USP13: variants seen among roughly 807,000 people sequenced by gnomAD.
The protein encoded by USP13 is ubiquitin specific peptidase 13.
A neutral mutation model predicts 107.8 loss-of-function variants in USP13; 68 were observed. That is an observed-to-expected ratio of 0.63 (90% CI 0.52 to 0.77). USP13 has a LOEUF of 0.77. USP13 is among the 30% of genes least tolerant of loss of function. USP13 has a pLI of 0.00. For synonymous variants in USP13, 377 were observed against 389.5 expected (o/e 0.97, Z 0.38); for missense variants, 945 against 1,093.3 (o/e 0.86, Z 1.91).
chr3:179,781,071 G>T (rs1715730044), intron 19 of USP13, among the ~76,000 whole-genome samples: 2 of 152,142 alleles, frequency 1.3e-5, no homozygotes, highest in African/African-American at 2.4e-5. Context: ...TAGAGTACTG[G>T]GTATGATGCA....
rs115542547 is a variant in USP13, at chr3:179,737,493, C to T, written c.1255-2754C>T. 2.6e-3 allele frequency among the ~76,000 whole-genome samples: 393 copies of T among 152,230 alleles called. 2 individuals carry two copies. Among genetic ancestry groups the T allele is most frequent in the Middle Eastern group, 3.4e-3 (1 of 294 alleles). ...AGCTAGGGCATTATTATTGCATGCTCGTGTCAGCTGATACTATGTGATATA... is the reference window on the plus strand; with the variant it reads ...AGCTAGGGCATTATTATTGCATGCTTGTGTCAGCTGATACTATGTGATATA... On this transcript the variant is annotated intron_variant, in intron 10 of 20. Transcript: ENST00000263966.
rs142636227 is a variant in USP13, at chr3:179,662,584, G to A, written c.168+9191G>A. Among the ~76,000 whole-genome samples, 169 of 152,244 alleles carry A rather than the reference G, an allele frequency of 1.1e-3. 1 individual carries two copies. Among genetic ancestry groups the A allele is most frequent in the Middle Eastern group, 0.01 (3 of 294 alleles). Reference sequence around the variant, plus strand: ...ATCCCTTTGCTGTCCTTTGATTGGGGTTTCAGAAAGGAGTGAAATGGATGT... The same window carrying A: ...ATCCCTTTGCTGTCCTTTGATTGGGATTTCAGAAAGGAGTGAAATGGATGT... On this transcript the variant is annotated intron_variant, in intron 1 of 20. Coordinates refer to ENST00000263966, the MANE Select transcript of USP13 (RefSeq NM_003940.3).
intron 1 of USP13, among the ~76,000 whole-genome samples, chr3:179,655,197 CAT>C (rs942031950): frequency 1.3e-5 from 2 of 152,108 alleles, no homozygotes; most frequent in African/African-American, 4.8e-5. Context: ...TGACTTTCCC[CAT>C]GTTTTGATTT....
intron 10 of USP13, among the ~76,000 whole-genome samples, chr3:179,739,295 G>A (rs1226400973): frequency 6.6e-6 from 1 of 152,200 alleles, no homozygotes; most frequent in East Asian, 1.9e-4. Flanking sequence ...CCTGCTGCCT[G>A]TTCTTCCCCC....
intron 1 of USP13, among the ~76,000 whole-genome samples, chr3:179,659,766 C>T (rs959056930): frequency 3.3e-5 from 5 of 152,116 alleles, no homozygotes; most frequent in African/African-American, 4.8e-5. Flanking sequence ...TGGCTGGGCG[C>T]GGTGGCTCAC....
intron 10 of USP13, 61 bp from the exon 11 acceptor site, chr3:179,740,186 C>T: frequency 6.3e-7 from 1 of 1,598,132 alleles, no homozygotes; most frequent in African/African-American, 1.3e-5. Context: ...GCTCTGCTTG[C>T]CGCTTAGGGC....
chr3:179,788,036 C>G lies in USP13; in HGVS notation c.*3895C>G, dbSNP rs1252264900. Reference sequence around the variant, plus strand: ...GAACTGCCTTCAACTACATCTGTCACCTTTATAGAATATTTTGAAATTCTG... The same window carrying G: ...GAACTGCCTTCAACTACATCTGTCAGCTTTATAGAATATTTTGAAATTCTG... On this transcript the variant is annotated 3_prime_UTR_variant, in exon 21 of 21. Coordinates refer to ENST00000263966, the MANE Select transcript of USP13 (RefSeq NM_003940.3). 2 of 152,202 alleles carry G rather than the reference C, an allele frequency of 1.3e-5. No individual in the cohort carries two copies. Among genetic ancestry groups the G allele is most frequent in the Non-Finnish European group, 2.9e-5 (2 of 68,048 alleles). 9.4% of individuals were successfully genotyped at this position (152,202 alleles called of 1,614,324 possible).
At chr3:179,682,227 A>G (rs1162888140) in intron 2 of USP13, among the ~76,000 whole-genome samples, 1 of 143,334 alleles carries the variant, frequency 7.0e-6, no homozygotes, top group Non-Finnish European at 1.5e-5. Flanking sequence ...GTTTTTAAGA[A>G]TACATAGATT....
intron 16 of USP13, 131 bp downstream of exon 16, chr3:179,757,209 C>T: frequency 9.8e-7 from 1 of 1,015,518 alleles, no homozygotes; most frequent in South Asian, 1.5e-5. Context: ...GTGGGAACGG[C>T]TCTGTGTCTG....
chr3:179,720,330 A>C (rs975594864), intron 7 of USP13, among the ~76,000 whole-genome samples: 1 of 152,202 alleles, frequency 6.6e-6, no homozygotes, highest in African/African-American at 2.4e-5. Context: ...CGTGTGAATC[A>C]TTCTTTGTTC....
chr3:179,773,474 A>G (rs942508195), intron 19 of USP13, among the ~76,000 whole-genome samples: 1 of 152,188 alleles, frequency 6.6e-6, no homozygotes, highest in Non-Finnish European at 1.5e-5. Context: ...AATATTTTAG[A>G]TGCTATAATG....
intron 4 of USP13, among the ~76,000 whole-genome samples, chr3:179,704,793 T>G (rs989311396): frequency 6.6e-6 from 1 of 152,186 alleles, no homozygotes; most frequent in Non-Finnish European, 1.5e-5. Context: ...CTATATTTAT[T>G]AAGTCCCGAT....
At chr3:179,692,311 T>C (rs1353692186) in intron 3 of USP13, among the ~76,000 whole-genome samples, 1 of 152,272 alleles carries the variant, frequency 6.6e-6, no homozygotes, top group Non-Finnish European at 1.5e-5. Flanking sequence ...AGTGAAGCCA[T>C]TGAAAACTGT....
chr3:179,756,150 C>T (rs189138366), intron 15 of USP13, among the ~76,000 whole-genome samples: 12 of 152,216 alleles, frequency 7.9e-5, no homozygotes, highest in African/African-American at 1.2e-4. Context: ...GAGGGCCAGG[C>T]GCGGTGGCTC....
rs762670304 is a variant in USP13, at chr3:179,708,877, A to G, written c.725A>G (p.Asn242Ser). 5.6e-6 allele frequency: 9 copies of G among 1,614,006 alleles called. No homozygotes were observed. The African/African-American group carries it at 1.1e-4, about 19-fold the overall frequency. The stretch of plus-strand genomic sequence containing the variant: ...TGGTTCTTTGACAGCTCTGGGGGCA[A>G]CGGGCATGCGCTGGAGCATTACAGA... ...GKWFFDSSGG[N>S]GHALEHYRDM... The change falls in exon 6 of 21, where the codon AAC (asparagine) becomes AGC (serine). Residue 242 changes from asparagine to serine, a missense_variant. Transcript: ENST00000263966.
intron 8 of USP13, among the ~76,000 whole-genome samples, chr3:179,727,163 G>GTTTTTT (rs528617941): frequency 8.7e-6 from 1 of 114,358 alleles, no homozygotes; most frequent in African/African-American, 3.2e-5. Context: ...AATTTTTAAT[G>GTTTTTT]TTTTTTTTTT....
chr3:179,717,879 G>A (rs1260168338), intron 6 of USP13, among the ~76,000 whole-genome samples: 1 of 152,132 alleles, frequency 6.6e-6, no homozygotes, highest in Non-Finnish European at 1.5e-5. Flanking sequence ...AATGAGGGTT[G>A]CTATCCACAG....
rs776225594 is a variant in USP13, at chr3:179,740,305, C to G, written c.1313C>G (p.Pro438Arg). 7.4e-6 allele frequency: 12 copies of G among 1,613,982 alleles called. No individual in the cohort carries two copies. Among genetic ancestry groups the G allele is most frequent in the Non-Finnish European group, 9.3e-6 (11 of 1,180,040 alleles). ...MFKAFVSKSH[P>R]EFSSNRQQDA... ...AAGGCCTTTGTAAGCAAGAGCCACC[C>G]GGAATTCTCCTCTAACAGGCAGCAA... is the stretch of plus-strand genomic sequence containing the variant. The change falls in exon 11 of 21, where the codon CCG (proline) becomes CGG (arginine). Residue 438 changes from proline (P) to arginine (R), a missense_variant. Physicochemically the swap from Pro to Arg is moderately radical, Grantham distance 103 (BLOSUM62 -2). Transcript: ENST00000263966.
rs1452486955 is a variant in USP13 at position 179,742,744 on chromosome 3, TC to T, written c.1534+395del. Among the ~76,000 whole-genome samples the T allele has an allele frequency of 6.6e-6, 1 of 152,184 alleles. No individual in the cohort carries two copies. The highest frequency in any genetic ancestry group is 2.4e-5 in the African/African-American group (1 of 41,448). On this transcript the variant is annotated intron_variant, in intron 12 of 20. Transcript: ENST00000263966. The surrounding 1 kb of genome is among the most constrained non-coding windows in gnomAD (Gnocchi z 5.0). ...GACTGCATTTTTTAAAGTTAGACAT[TC>T]GAGCAGAGGTCTCTTGAAATAATCC... is the stretch of plus-strand genomic sequence containing the variant.
Sources: allele counts gnomAD v4.1 joint callset (sites outside exome capture counted in the v4.1 genomes callset), GRCh38; gene constraint gnomAD v4.1.1; non-coding constraint Gnocchi (gnomAD v3.1); transcripts MANE v1.5; gene names NCBI Gene and HGNC (gene_info 2026-07-23, HGNC 2026-07-21).